Variants in HCN1 observed in about 807,000 individuals in gnomAD.
The protein encoded by HCN1 is potassium/sodium hyperpolarization-activated cyclic nucleotide-gated channel 1.
In HCN1, 13 loss-of-function variants were observed where a neutral mutation model predicts 78.9. That is an observed-to-expected ratio of 0.16 (90% confidence interval 0.11 to 0.26). The LOEUF (loss-of-function observed/expected upper bound fraction) is 0.26, where lower values mean the gene tolerates loss of function less well. Among genes scored for constraint, HCN1 ranks in the 10% least tolerant of loss-of-function variants. HCN1 has a pLI of 1.00. For missense variants in HCN1, 810 were observed against 1,154.3 expected (o/e 0.70, Z 4.32); for synonymous variants, 552 against 455.5 (o/e 1.21, Z -2.70).
At chr5:45,647,562 A>G (rs1745574690) in intron 1 of HCN1, among the ~76,000 whole-genome samples, 1 of 152,084 alleles carries the variant, frequency 6.6e-6, no homozygotes, top group Admixed American at 6.6e-5. Context: ...CATGCCTTTA[A>G]TAATTAATTT....
intron 2 of HCN1, among the ~76,000 whole-genome samples, chr5:45,497,796 C>T (rs920416850): frequency 1.3e-5 from 2 of 152,198 alleles, no homozygotes; most frequent in Admixed American, 1.3e-4. Context: ...GACAAAATCT[C>T]TCAGCATTTG....
At chr5:45,348,540 C>T (rs943720183) in intron 5 of HCN1, among the ~76,000 whole-genome samples, 1 of 152,124 alleles carries the variant, frequency 6.6e-6, no homozygotes, top group Non-Finnish European at 1.5e-5. Context: ...TGTAAATGGA[C>T]TAAATGCTCC....
At chr5:45,684,868 C>A (rs1411075448) in intron 1 of HCN1, among the ~76,000 whole-genome samples, 1 of 152,114 alleles carries the variant, frequency 6.6e-6, no homozygotes, top group African/African-American at 2.4e-5. Context: ...TCTCAAAAAA[C>A]AAATAAACAA....
chr5:45,607,560 C>A (rs1217993356), intron 2 of HCN1, among the ~76,000 whole-genome samples: 1 of 147,650 alleles, frequency 6.8e-6, no homozygotes, highest in Non-Finnish European at 1.5e-5. Flanking sequence ...GGGATATAGA[C>A]AAATAGATCA....
intron 2 of HCN1, among the ~76,000 whole-genome samples, chr5:45,479,621 A>C (rs1323869635): frequency 6.6e-6 from 1 of 152,202 alleles, no homozygotes; most frequent in Non-Finnish European, 1.5e-5. Context: ...AAAGAGGCAC[A>C]GTGGCTCCTA....
intron 2 of HCN1, among the ~76,000 whole-genome samples, chr5:45,517,986 A>G (rs1206846329): frequency 6.6e-6 from 1 of 152,040 alleles, no homozygotes; most frequent in East Asian, 1.9e-4. Context: ...CACCTCCTAA[A>G]TTTTGTCAGA....
chr5:45,292,427 C>A (rs1019452010), intron 6 of HCN1, among the ~76,000 whole-genome samples: 1 of 151,996 alleles, frequency 6.6e-6, no homozygotes, highest in African/African-American at 2.4e-5. Context: ...ACAACATTTT[C>A]ATCACAACAG....
chr5:45,357,020 C>T (rs1230255431), intron 4 of HCN1, among the ~76,000 whole-genome samples: 1 of 151,832 alleles, frequency 6.6e-6, no homozygotes, highest in Non-Finnish European at 1.5e-5. Flanking sequence ...GGTAATTAGC[C>T]TTCATTTAGT....
chr5:45,664,075 T>C (rs2112064131), intron 1 of HCN1, among the ~76,000 whole-genome samples: 1 of 121,404 alleles, frequency 8.2e-6, no homozygotes, highest in South Asian at 3.1e-4. Flanking sequence ...CCAACAATGA[T>C]AGACTGGATT....
chr5:45,300,871 T>C (rs933858317), intron 6 of HCN1, among the ~76,000 whole-genome samples: 1 of 152,134 alleles, frequency 6.6e-6, no homozygotes, highest in African/African-American at 2.4e-5. Flanking sequence ...TTTCTTAGAA[T>C]AACCCATACA....
intron 3 of HCN1, among the ~76,000 whole-genome samples, chr5:45,418,505 T>C (rs549137561): frequency 2.0e-5 from 3 of 151,294 alleles, no homozygotes; most frequent in East Asian, 2.0e-4. Context: ...TTTAATATTG[T>C]TTTACATGCA....
chr5:45,593,370 ACC>A (rs546304789), intron 2 of HCN1, among the ~76,000 whole-genome samples: 1 of 135,120 alleles, frequency 7.4e-6, no homozygotes, highest in Non-Finnish European at 1.6e-5. Flanking sequence ...ACACACACAC[ACC>A]CCACATGTAA....
Position 45,624,830 on chromosome 5 carries a change from A to C in HCN1, c.849+20355T>G, listed in dbSNP as rs548770618. 8.5e-5 allele frequency among the ~76,000 whole-genome samples: 13 copies of C among 152,094 alleles called. No individual in the cohort carries two copies. In the East Asian group the frequency reaches 2.1e-3, roughly 25 times the overall value. ...GTAGGGCACACTGGAACAAGTCTAGATGGTACCTTAGGTCAACTGTGGTAA... is the reference window on the plus strand; with the variant it reads ...GTAGGGCACACTGGAACAAGTCTAGCTGGTACCTTAGGTCAACTGTGGTAA... On this transcript the variant is annotated intron_variant, in intron 2 of 7. Coordinates refer to ENST00000303230, the MANE Select transcript of HCN1 (RefSeq NM_021072.4).
intron 1 of HCN1, among the ~76,000 whole-genome samples, chr5:45,676,627 G>C (rs1338564686): frequency 6.6e-6 from 1 of 151,656 alleles, no homozygotes; most frequent in African/African-American, 2.4e-5. Context: ...ATACAGGAAA[G>C]AATAGAAGGT....
intron 1 of HCN1, among the ~76,000 whole-genome samples, chr5:45,672,173 T>G: frequency 6.6e-6 from 1 of 151,630 alleles, no homozygotes; most frequent in Non-Finnish European, 1.5e-5. Flanking sequence ...AACAATGGAC[T>G]ACTAGGCTTG....
chr5:45,528,532 A>C (rs1168167224), intron 2 of HCN1, among the ~76,000 whole-genome samples: 1 of 151,966 alleles, frequency 6.6e-6, no homozygotes, highest in Non-Finnish European at 1.5e-5. Context: ...AGGAGGGAAA[A>C]GCAGACCTCA....
intron 5 of HCN1, among the ~76,000 whole-genome samples, chr5:45,317,555 T>C (rs558326592): frequency 1.3e-5 from 2 of 152,190 alleles, no homozygotes; most frequent in East Asian, 3.9e-4. Context: ...AAAGCCACAA[T>C]TGACAAATGG....
rs1444522592 is a variant in HCN1, at chr5:45,438,738, T to G, written c.1011+23108A>C. Among the ~76,000 whole-genome samples, 3 of 152,194 alleles carry G rather than the reference T, an allele frequency of 2.0e-5. No individual in the cohort carries two copies. The East Asian group carries it at 5.8e-4, about 29-fold the overall frequency. ...CAGTTTCTTTATCATAAAATTGGAA[T>G]CAGTTATGTATACTTTGGAGTTAGT... On this transcript the variant is annotated intron_variant, in intron 3 of 7. Transcript: ENST00000303230.
intron 2 of HCN1, among the ~76,000 whole-genome samples, chr5:45,467,807 A>G (rs1287871916): frequency 1.3e-5 from 2 of 152,144 alleles, no homozygotes; most frequent in Admixed American, 1.3e-4. Flanking sequence ...CCAAAGATTT[A>G]AAAACAATAA....
Sources: gnomAD v4.1 joint callset for allele counts (sites outside exome capture counted in the v4.1 genomes callset) on GRCh38, gnomAD v4.1.1 for gene constraint, MANE v1.5 for transcripts, NCBI Gene and HGNC (gene_info 2026-07-23, HGNC 2026-07-21) for gene names.